FUT9: variants seen among roughly 807,000 people sequenced by gnomAD.
FUT9 encodes 4-galactosyl-N-acetylglucosaminide 3-alpha-L-fucosyltransferase 9.
Under a neutral mutation model 29.7 loss-of-function variants are expected in FUT9, and 15 were observed. The ratio of observed to expected loss-of-function variants is 0.51; its 90% CI spans 0.34 to 0.78. FUT9 has a LOEUF of 0.78. Ranked by LOEUF, FUT9 falls within the 30% of genes least tolerant of loss-of-function variation. FUT9 has a pLI of 0.01. For synonymous variants in FUT9, 169 were observed against 153.7 expected, an observed-to-expected ratio of 1.10 and a Z score of -0.74; for missense variants, 319 against 425.4, an observed-to-expected ratio of 0.75 and a Z score of 2.20.
chr6:96,067,047 A>T (rs1770973875), intron 1 of FUT9, among the ~76,000 whole-genome samples: 1 of 152,010 alleles, frequency 6.6e-6, no homozygotes, highest in African/African-American at 2.4e-5. Context: ...AGAGTATTGT[A>T]TATTGTTAAG....
chr6:96,203,197 T>C lies in FUT9; in HGVS notation c.42T>C (p.Ile14=). The change falls in exon 3 of 3, where the codon ATT becomes ATC. Residue 14 remains isoleucine, a synonymous_variant. Coordinates refer to ENST00000302103, the MANE Select transcript of FUT9 (RefSeq NM_006581.4). The part of the protein sequence containing the change: ...TSKGILRPFL[I]VCIILGCFMA... Reference sequence around the variant, plus strand: ...AAGGAATTCTTCGCCCATTTTTAATTGTCTGCATTATCCTGGGCTGTTTCA... The same window carrying C: ...AAGGAATTCTTCGCCCATTTTTAATCGTCTGCATTATCCTGGGCTGTTTCA... The C allele has an allele frequency of 6.2e-7, 1 of 1,606,924 alleles. No homozygotes were observed. The highest frequency in any genetic ancestry group is 8.5e-7 in the Non-Finnish European group (1 of 1,175,178).
chr6:96,121,840 C>T (rs973130329), intron 2 of FUT9, among the ~76,000 whole-genome samples: 2 of 87,954 alleles, frequency 2.3e-5, no homozygotes, highest in African/African-American at 6.2e-5. Context: ...GAAATATAAT[C>T]TGCCTTAAAA....
At chr6:96,135,073 T>C (rs1334502442) in intron 2 of FUT9, among the ~76,000 whole-genome samples, 1 of 151,884 alleles carries the variant, frequency 6.6e-6, no homozygotes, top group African/African-American at 2.4e-5. Context: ...AACATGTTGC[T>C]TGGAAAGAAA....
chr6:96,143,579 AT>A (rs1772506095), intron 2 of FUT9, among the ~76,000 whole-genome samples: 1 of 138,804 alleles, frequency 7.2e-6, no homozygotes, highest in Admixed American at 7.3e-5. Flanking sequence ...CCTTCTTCTT[AT>A]TTTTAATATA....
chr6:96,097,498 T>A (rs1771520810), intron 1 of FUT9, among the ~76,000 whole-genome samples: 1 of 152,130 alleles, frequency 6.6e-6, no homozygotes, highest in African/African-American at 2.4e-5. Flanking sequence ...GTTGTATGAG[T>A]GAATGAATTC....
chr6:96,208,733 T>C lies in FUT9; in HGVS notation c.*4498T>C, dbSNP rs531707298. 12 of 166,936 alleles carry C rather than the reference T, an allele frequency of 7.2e-5. No homozygotes were observed. In the Admixed American group the frequency reaches 7.9e-4, roughly 11 times the overall value. The allele number at this position is 166,936 out of a possible 1,614,324, so 10.3% of individuals were successfully genotyped here. The stretch of plus-strand genomic sequence containing the variant: ...ATCACGTTAACATTCTATGCAAATA[T>C]TAGTAACATATCAACTGTTTCTAAA... On this transcript the variant is annotated 3_prime_UTR_variant, in exon 3 of 3. Coordinates refer to ENST00000302103, the MANE Select transcript of FUT9 (RefSeq NM_006581.4).
chr6:96,049,894 G>A (rs555342411), intron 1 of FUT9, among the ~76,000 whole-genome samples: 41 of 152,270 alleles, frequency 2.7e-4, no homozygotes, highest in Middle Eastern at 6.8e-3. Context: ...GTCAGGCAGC[G>A]TAAAATATGC....
chr6:96,043,192 C>T (rs930539209), intron 1 of FUT9, among the ~76,000 whole-genome samples: 1 of 152,112 alleles, frequency 6.6e-6, no homozygotes, highest in Admixed American at 6.5e-5. Flanking sequence ...GCTGGGACTA[C>T]AGGCGCCCAC....
chr6:96,205,094 A>C lies in FUT9; in HGVS notation c.*859A>C, dbSNP rs1773803434. The stretch of plus-strand genomic sequence containing the variant: ...TATAAATATATTTATAAATGGTGTC[A>C]TTTATGAACAATGTTTAATTATGTA... On this transcript the variant is annotated 3_prime_UTR_variant, in exon 3 of 3. Coordinates refer to ENST00000302103, the MANE Select transcript of FUT9 (RefSeq NM_006581.4). The C allele has an allele frequency of 6.0e-6, 1 of 166,924 alleles. No homozygotes were observed. The highest frequency in any genetic ancestry group is 6.5e-5 in the Admixed American group (1 of 15,268). The allele number at this position is 166,924 out of a possible 1,614,324, so 10.3% of individuals were successfully genotyped here. A position where few individuals can be genotyped will look rare whatever the true frequency, so the allele number is the denominator to read the frequency against.
intron 1 of FUT9, among the ~76,000 whole-genome samples, chr6:96,064,650 T>G (rs1198609965): frequency 6.6e-6 from 1 of 152,130 alleles, no homozygotes; most frequent in African/African-American, 2.4e-5. Context: ...AGTGGGTGGA[T>G]CTTTAATCAG....
At chr6:96,028,565 A>G (rs753025312) in intron 1 of FUT9, among the ~76,000 whole-genome samples, 4 of 151,602 alleles carry the variant, frequency 2.6e-5, no homozygotes, top group African/African-American at 9.7e-5. Context: ...AATCTTTGAA[A>G]CACTGACTGG....
intron 2 of FUT9, among the ~76,000 whole-genome samples, chr6:96,176,373 T>TTA (rs1387851353): frequency 2.6e-5 from 4 of 151,678 alleles, no homozygotes; most frequent in East Asian, 1.9e-4. Context: ...TATGTTATAT[T>TTA]TATATATATC....
chr6:96,116,125 G>C (rs1480524024), intron 2 of FUT9, among the ~76,000 whole-genome samples: 1 of 151,940 alleles, frequency 6.6e-6, no homozygotes, highest in Non-Finnish European at 1.5e-5. Flanking sequence ...AATTTTCCTG[G>C]TAAAATATCT....
intron 1 of FUT9, among the ~76,000 whole-genome samples, chr6:96,048,381 A>G (rs971767927): frequency 3.3e-5 from 5 of 152,150 alleles, no homozygotes; most frequent in African/African-American, 1.2e-4. Context: ...GATAAATTTG[A>G]TGAAAATGAG....
chr6:96,029,860 G>T (rs989834260), intron 1 of FUT9, among the ~76,000 whole-genome samples: 3 of 151,418 alleles, frequency 2.0e-5, no homozygotes, highest in Non-Finnish European at 4.4e-5. Context: ...GAAAGAGCAG[G>T]AAAGAGCAAA....
chr6:96,205,318 A>T lies in FUT9; in HGVS notation c.*1083A>T, dbSNP rs1773808482. The T allele has an allele frequency of 6.0e-6, 1 of 167,040 alleles. No individual in the cohort carries two copies. The highest frequency in any genetic ancestry group is 2.4e-5 in the African/African-American group (1 of 41,448). The allele number at this position is 167,040 out of a possible 1,614,324, so 10.3% of individuals were successfully genotyped here. ...TAAAGTGGGGATATATAGAAAACAC[A>T]CAGTGTTAGCACACAGTAAGATCTC... On this transcript the variant is annotated 3_prime_UTR_variant, in exon 3 of 3. Transcript: ENST00000302103.
At position 96,100,385 on chromosome 6, in the gene FUT9, C is replaced by T. The variant is rs965277160; in HGVS notation, c.-97-13654C>T. 3.3e-5 allele frequency among the ~76,000 whole-genome samples: 5 copies of T among 152,128 alleles called. No individual in the cohort carries two copies. The South Asian group carries it at 1.0e-3, about 32-fold the overall frequency. On this transcript the variant is annotated intron_variant, in intron 1 of 2. Transcript: ENST00000302103. ...ATGAGAAAACAGAAATTTGAGAATT[C>T]ATTCATTATAGTACAAGGTAAAGTA...
At chr6:96,033,878 A>G (rs192588968) in intron 1 of FUT9, among the ~76,000 whole-genome samples, 165 of 151,764 alleles carry the variant, frequency 1.1e-3, no homozygotes, top group Non-Finnish European at 2.0e-3. Context: ...ATGCTTACAT[A>G]TAAATACACA....
intron 1 of FUT9, among the ~76,000 whole-genome samples, chr6:96,070,426 C>A (rs1771039307): frequency 6.6e-6 from 1 of 152,100 alleles, no homozygotes; most frequent in Admixed American, 6.5e-5. Flanking sequence ...GTAATTATGC[C>A]TGTAATTCCA....
Sources: gnomAD v4.1 joint callset for allele counts (sites outside exome capture counted in the v4.1 genomes callset) on GRCh38, gnomAD v4.1.1 for gene constraint, MANE v1.5 for transcripts, NCBI Gene and HGNC (gene_info 2026-07-23, HGNC 2026-07-21) for gene names.